The following WWOX variants were observed in gnomAD, a reference collection of about 807,000 sequenced individuals.
WWOX encodes the protein WW domain-containing oxidoreductase.
WWOX carries 69 observed loss-of-function variants against 46.2 expected under a neutral mutation model. The ratio of observed to expected loss-of-function variants is 1.49; its 90% confidence interval spans 1.23 to 1.82. The LOEUF (loss-of-function observed/expected upper bound fraction) is 1.82, where lower values mean the gene tolerates loss of function less well. Among genes scored for constraint, WWOX ranks in the 40% most tolerant of loss-of-function variants. The pLI, the probability that WWOX is intolerant of heterozygous loss-of-function variation, is 0.00. For missense variants in WWOX, 919 were observed against 542.6 expected, an observed-to-expected ratio of 1.69 and a Z score of -6.89; for synonymous variants, 359 against 202.6, an observed-to-expected ratio of 1.77 and a Z score of -6.56.
chr16:78,285,426 C>G (rs1308871888), intron 5 of WWOX, among the ~76,000 whole-genome samples: 1 of 151,134 alleles, frequency 6.6e-6, no homozygotes, highest in Non-Finnish European at 1.5e-5. Flanking sequence ...GAGTGAGACC[C>G]TGTCTCTGAA....
At chr16:78,576,302 A>C (rs1464916090) in intron 8 of WWOX, among the ~76,000 whole-genome samples, 1 of 152,214 alleles carries the variant, frequency 6.6e-6, no homozygotes, top group Non-Finnish European at 1.5e-5. Flanking sequence ...GAACTCACAA[A>C]ATGTCCAGCT....
intron 8 of WWOX, among the ~76,000 whole-genome samples, chr16:78,595,508 G>A (rs368699281): frequency 6.6e-6 from 1 of 152,220 alleles, no homozygotes; most frequent in Admixed American, 6.5e-5. Flanking sequence ...ACGTGGCTAT[G>A]TACAAGACCA....
chr16:78,188,588 C>T (rs890180814), intron 5 of WWOX, among the ~76,000 whole-genome samples: 2 of 151,814 alleles, frequency 1.3e-5, no homozygotes, highest in South Asian at 2.1e-4. Flanking sequence ...TTGAAAAATC[C>T]CAGAATAGTA....
At chr16:78,667,163 C>G (rs1015884636) in intron 8 of WWOX, among the ~76,000 whole-genome samples, 1 of 152,134 alleles carries the variant, frequency 6.6e-6, no homozygotes, top group Admixed American at 6.6e-5. Context: ...TATGTGTTTG[C>G]TAGTAGCTTC....
chr16:78,146,996 T>A (rs766760034), intron 4 of WWOX, among the ~76,000 whole-genome samples: 4 of 152,178 alleles, frequency 2.6e-5, no homozygotes, highest in Non-Finnish European at 5.9e-5. Flanking sequence ...GTTATCAGTG[T>A]GAATTGAGAT....
intron 5 of WWOX, among the ~76,000 whole-genome samples, chr16:78,174,495 C>T (rs940685988): frequency 6.6e-6 from 1 of 152,232 alleles, no homozygotes; most frequent in East Asian, 1.9e-4. Context: ...ATTCAATTCA[C>T]AGCATTCTAC....
At chr16:79,202,399 C>A (rs1454150308) in intron 8 of WWOX, among the ~76,000 whole-genome samples, 1 of 152,146 alleles carries the variant, frequency 6.6e-6, no homozygotes, top group Non-Finnish European at 1.5e-5. Context: ...ATAGGAATTA[C>A]ATTCCGTCGA....
rs557659947 is a variant in WWOX at position 78,934,876 on chromosome 16, C to T, written c.1057-276732C>T. Among the ~76,000 whole-genome samples, 5 of 152,218 alleles carry T rather than the reference C, an allele frequency of 3.3e-5. No individual in the cohort carries two copies. In the East Asian group the frequency reaches 9.7e-4, roughly 29 times the overall value. ...GCACTTTGGGAGGCCAAGGCGGGTG[C>T]ATCACTTGAGCCCAGGAGTTTGAGA... On this transcript the variant is annotated intron_variant, in intron 8 of 8. Transcript: ENST00000566780.
intron 5 of WWOX, among the ~76,000 whole-genome samples, chr16:78,319,416 C>A (rs928867818): frequency 6.6e-6 from 1 of 152,106 alleles, no homozygotes; most frequent in Non-Finnish European, 1.5e-5. Flanking sequence ...TGTACCATCA[C>A]GCCCGGCTAA....
chr16:78,399,658 T>G (rs1432277210), intron 6 of WWOX, among the ~76,000 whole-genome samples: 2 of 152,210 alleles, frequency 1.3e-5, no homozygotes, highest in East Asian at 3.9e-4. Context: ...ACTCTCGATT[T>G]ATATAAGACT....
chr16:78,564,497 G>C (rs1002890740), intron 8 of WWOX, among the ~76,000 whole-genome samples: 11 of 152,146 alleles, frequency 7.2e-5, no homozygotes, highest in Admixed American at 3.3e-4. Context: ...ACAAGGATCA[G>C]GTGGCAGGAT....
chr16:78,982,391 A>G (rs979396175), intron 8 of WWOX, among the ~76,000 whole-genome samples: 2 of 152,228 alleles, frequency 1.3e-5, no homozygotes, highest in African/African-American at 4.8e-5. Context: ...TTGCCAGAAT[A>G]CACGTGTGTG....
intron 8 of WWOX, among the ~76,000 whole-genome samples, chr16:78,625,828 G>A (rs1437749049): frequency 6.9e-6 from 1 of 145,194 alleles, no homozygotes; most frequent in African/African-American, 2.5e-5. Flanking sequence ...TTGGCAAATG[G>A]CAATTGCGGT....
chr16:78,730,944 A>G (rs1425385953), intron 8 of WWOX, among the ~76,000 whole-genome samples: 2 of 152,158 alleles, frequency 1.3e-5, no homozygotes, highest in Non-Finnish European at 2.9e-5. Flanking sequence ...TTCCCCTAGA[A>G]TAATACATTA....
chr16:78,263,996 C>CTTTTTTTTTTATTTTTTTTTTTTTTTT (rs2079304990), intron 5 of WWOX, among the ~76,000 whole-genome samples: 1 of 78,816 alleles, frequency 1.3e-5, no homozygotes, highest in Non-Finnish European at 2.2e-5. Flanking sequence ...GCTGTGAAAT[C>CTTTTTTTTTTATTTTTTTTTTTTTTTT]TTTTTTTTTT....
At chr16:79,174,390 TGTAATC>T (rs2050759456) in intron 8 of WWOX, among the ~76,000 whole-genome samples, 1 of 152,218 alleles carries the variant, frequency 6.6e-6, no homozygotes, top group Admixed American at 6.5e-5. Flanking sequence ...GGCTCACGCC[TGTAATC>T]CCAGCTCTTT....
At chr16:78,622,432 C>T (rs932121965) in intron 8 of WWOX, among the ~76,000 whole-genome samples, 9 of 151,888 alleles carry the variant, frequency 5.9e-5, no homozygotes, top group African/African-American at 2.2e-4. Context: ...ATCCCAGGTA[C>T]ACAGGAGGCT....
chr16:78,715,386 G>C (rs866963185), intron 8 of WWOX, among the ~76,000 whole-genome samples: 1 of 152,018 alleles, frequency 6.6e-6, no homozygotes, highest in Non-Finnish European at 1.5e-5. Flanking sequence ...CATTCTTCTG[G>C]GATCGTAGAT....
At chr16:78,702,044 T>TATATATATATATATATATAA (rs1419045896) in intron 8 of WWOX, among the ~76,000 whole-genome samples, 1 of 110,032 alleles carries the variant, frequency 9.1e-6, no homozygotes, top group Admixed American at 9.2e-5. Context: ...TATATATATA[T>TATATATATATATATATATAA]AAAATAATGC....
Sources: gnomAD v4.1 joint callset for allele counts (sites outside exome capture counted in the v4.1 genomes callset) on GRCh38, gnomAD v4.1.1 for gene constraint, MANE v1.5 for transcripts, NCBI Gene and HGNC (gene_info 2026-07-23, HGNC 2026-07-21) for gene names.